Variants in ADGRE2 observed in about 807,000 individuals in gnomAD.
ADGRE2 encodes CD97 antigen.
A neutral mutation model predicts 100.8 loss-of-function variants in ADGRE2; 83 were observed. The observed-to-expected ratio is 0.82, with a 90% CI of 0.69 to 0.99. ADGRE2 has a LOEUF of 0.99. ADGRE2 is among the 50% of genes least tolerant of loss of function. ADGRE2 has a pLI of 0.00. For missense variants in ADGRE2, 814 were observed against 1,035.7 expected, an observed-to-expected ratio of 0.79 and a Z score of 2.94; for synonymous variants, 355 against 413.0, an observed-to-expected ratio of 0.86 and a Z score of 1.70.
chr19:14,768,268 T>C (rs948640924), intron 5 of ADGRE2, among the ~76,000 whole-genome samples: 3 of 152,212 alleles, frequency 2.0e-5, no homozygotes, highest in Non-Finnish European at 4.4e-5. Context: ...AGGCCAGGGC[T>C]GCCTGGACAG....
the ADGRE2 span, among the ~76,000 whole-genome samples, chr19:14,725,799 C>T: frequency 6.6e-6 from 1 of 152,208 alleles, no homozygotes; most frequent in Non-Finnish European, 1.5e-5. Flanking sequence ...CAGGGTGCAA[C>T]CCCCATGGCT....
At chr19:14,749,328 TA>T (rs1350446930) in intron 16 of ADGRE2, among the ~76,000 whole-genome samples, 7 of 110,880 alleles carry the variant, frequency 6.3e-5, no homozygotes, top group African/African-American at 1.7e-4. Flanking sequence ...ACATATATAA[TA>T]TAATTATAAT....
At chr19:14,761,245 C>A (rs1006619310) in intron 11 of ADGRE2, among the ~76,000 whole-genome samples, 1 of 152,054 alleles carries the variant, frequency 6.6e-6, no homozygotes, top group African/African-American at 2.4e-5. Flanking sequence ...TTACTGAAAA[C>A]ACACAAAATA....
At chr19:14,775,878 T>G (rs1177114909) in intron 2 of ADGRE2, among the ~76,000 whole-genome samples, 10 of 70,950 alleles carry the variant, frequency 1.4e-4, no homozygotes, top group African/African-American at 1.7e-4. Flanking sequence ...AAAAAAAAAA[T>G]GATGGCGCTG....
chr19:14,772,505 A>G lies in ADGRE2; in HGVS notation c.200-8T>C, dbSNP rs770453360. ...TTGCACACTCGTTGATGTCTGGAACACAACAGGACAGGAGGTCATCTCCCA... is the reference window on the plus strand; with the variant it reads ...TTGCACACTCGTTGATGTCTGGAACGCAACAGGACAGGAGGTCATCTCCCA... On this transcript the variant is annotated splice_polypyrimidine_tract_variant and splice_region_variant and intron_variant, in intron 4 of 20. Transcript: ENST00000315576. 1 of 1,613,850 alleles carries G rather than the reference A, an allele frequency of 6.2e-7. No homozygotes were observed. Among genetic ancestry groups the G allele is most frequent in the South Asian group, 1.1e-5 (1 of 91,032 alleles).
intron 20 of ADGRE2, among the ~76,000 whole-genome samples, chr19:14,740,627 A>G (rs951702790): frequency 2.0e-5 from 3 of 151,868 alleles, no homozygotes; most frequent in Non-Finnish European, 4.4e-5. Context: ...GTCTCAAAAA[A>G]AAAAAAAAAA....
At chr19:14,728,111 G>T (rs1030944499), downstream of ADGRE2, among the ~76,000 whole-genome samples, 4 of 152,206 alleles carry the variant, frequency 2.6e-5, no homozygotes, top group Non-Finnish European at 4.4e-5. Flanking sequence ...TACTCGGGAG[G>T]CTGAGGCAGG....
In ADGRE2 at chr19:14,751,432, T is replaced by A. The variant is rs750078097; in HGVS notation, c.2024+4A>T. ...AGATAAGGATTGTGAGAATTTGCAC[T>A]AACCGGGAAGGTGTTCCATAAAGGT... On this transcript the variant is annotated splice_donor_region_variant and intron_variant, in intron 16 of 20. Transcript: ENST00000315576. 1.9e-6 allele frequency: 3 copies of A among 1,610,702 alleles called. No individual in the cohort carries two copies. The South Asian group carries it at 3.3e-5, about 18-fold the overall frequency.
At position 14,736,259 on chromosome 19, in the gene ADGRE2, T is replaced by C. The variant is rs1286864706; in HGVS notation, c.2464-15A>G. 1 of 1,508,736 alleles carries C rather than the reference T, an allele frequency of 6.6e-7. No homozygotes were observed. 93.5% of individuals were successfully genotyped at this position (1,508,736 alleles called of 1,614,324 possible). A position where few individuals can be genotyped will look rare whatever the true frequency, so the allele number is the denominator to read the frequency against. ...TTCTAGTTAACCTGAAATATATATA[T>C]ATGTATGTATTTTGTTGTTGAGACA... On this transcript the variant is annotated splice_polypyrimidine_tract_variant and intron_variant, in intron 20 of 20. Transcript: ENST00000315576.
the ADGRE2 span, among the ~76,000 whole-genome samples, chr19:14,726,860 C>T: frequency 6.6e-6 from 1 of 152,138 alleles, no homozygotes; most frequent in African/African-American, 2.4e-5. Flanking sequence ...TCCAAACTTT[C>T]TCTCATATTC....
intron 20 of ADGRE2, among the ~76,000 whole-genome samples, chr19:14,736,923 A>G (rs1264408928): frequency 4.1e-5 from 6 of 146,530 alleles, no homozygotes; most frequent in Non-Finnish European, 9.0e-5. Context: ...AGAAATATAT[A>G]TATATTTAGA....
At chr19:14,739,786 A>G (rs2042871708) in intron 20 of ADGRE2, among the ~76,000 whole-genome samples, 1 of 152,156 alleles carries the variant, frequency 6.6e-6, no homozygotes, top group Admixed American at 6.6e-5. Flanking sequence ...TTTATAAAGT[A>G]TGAAGGCTGT....
chr19:14,773,059 C>T lies in ADGRE2; in HGVS notation c.200-562G>A, dbSNP rs529445964. Among the ~76,000 whole-genome samples, 204 of 115,018 alleles carry T rather than the reference C, an allele frequency of 1.8e-3. 1 individual carries two copies. The highest frequency in any genetic ancestry group is 6.7e-3 in the African/African-American group (195 of 28,954). The allele number at this position is 115,018 out of a possible 152,430, so 75.5% of individuals were successfully genotyped here. A position where few individuals can be genotyped will look rare whatever the true frequency, so the allele number is the denominator to read the frequency against. On this transcript the variant is annotated intron_variant, in intron 4 of 20. Coordinates refer to ENST00000315576, the MANE Select transcript of ADGRE2 (RefSeq NM_013447.4). ...GCGCCACTGCACTCCTCAGCCTGAGCGACAGAGTGAGACTCCATCTCAAAA... is the reference window on the plus strand; with the variant it reads ...GCGCCACTGCACTCCTCAGCCTGAGTGACAGAGTGAGACTCCATCTCAAAA...
At chr19:14,739,707 T>C (rs1378718896) in intron 20 of ADGRE2, among the ~76,000 whole-genome samples, 1 of 152,162 alleles carries the variant, frequency 6.6e-6, no homozygotes, top group Non-Finnish European at 1.5e-5. Context: ...GATACGGTTA[T>C]GAAAAGGATC....
At chr19:14,727,318 A>T in the ADGRE2 span, among the ~76,000 whole-genome samples, 1 of 152,022 alleles carries the variant, frequency 6.6e-6, no homozygotes, top group Non-Finnish European at 1.5e-5. Flanking sequence ...GTGAGCCACC[A>T]AGCCCGGCCC....
intron 2 of ADGRE2, among the ~76,000 whole-genome samples, chr19:14,774,674 T>TTTTCTTTCTTTCCTTCTTTCTTTC (rs2044356053): frequency 1.5e-5 from 1 of 68,960 alleles, no homozygotes; most frequent in African/African-American, 4.5e-5. Flanking sequence ...ATATTTTAAA[T>TTTTCTTTCTTTCCTTCTTTCTTTC]TTTCTTTCTT....
At chr19:14,745,834 G>A (rs1011633693) in intron 18 of ADGRE2, among the ~76,000 whole-genome samples, 1 of 152,126 alleles carries the variant, frequency 6.6e-6, no homozygotes, top group Non-Finnish European at 1.5e-5. Flanking sequence ...CTATGTAAGT[G>A]ACAACCTGTG....
intron 2 of ADGRE2, among the ~76,000 whole-genome samples, chr19:14,774,735 G>A (rs1237822478): frequency 1.0e-5 from 1 of 100,064 alleles, no homozygotes; most frequent in Non-Finnish European, 2.3e-5. Flanking sequence ...GTGCAATGGT[G>A]CGATCTCGGC....
At position 14,754,784 on chromosome 19, in the gene ADGRE2, A is replaced by G. The variant is rs73926662; in HGVS notation, c.1590+170T>C. On this transcript the variant is annotated intron_variant, in intron 14 of 20. Transcript: ENST00000315576. ...ATGGCAGCCCTGGGGGTGGGGTGAC[A>G]TGATGATTTCAGTCTTGTAAGACCC... Among the ~76,000 whole-genome samples, 1,198 of 152,312 alleles carry G rather than the reference A, an allele frequency of 7.9e-3. 19 individuals carry two copies. Among genetic ancestry groups the G allele is most frequent in the African/African-American group, 0.028 (1,150 of 41,572 alleles).
Sources: gnomAD v4.1 joint callset for allele counts (sites outside exome capture counted in the v4.1 genomes callset) on GRCh38, gnomAD v4.1.1 for gene constraint, MANE v1.5 for transcripts, NCBI Gene and HGNC (gene_info 2026-07-23, HGNC 2026-07-21) for gene names.